TXNDC15: variants seen among roughly 807,000 people sequenced by gnomAD.
TXNDC15 encodes thioredoxin domain containing 15, also known as thioredoxin domain-containing protein 15.
Under a neutral mutation model 35.0 loss-of-function variants are expected in TXNDC15, and 24 were observed. The ratio of observed to expected loss-of-function variants is 0.68; its 90% confidence interval spans 0.50 to 0.96. The LOEUF is 0.96. Among genes scored for constraint, TXNDC15 ranks in the 40% least tolerant of loss-of-function variants. The pLI is 0.00. For synonymous variants in TXNDC15, 169 were observed against 174.0 expected (o/e 0.97, Z 0.23); for missense variants, 385 against 453.3 (o/e 0.85, Z 1.37).
At chr5:134,890,469 G>A (rs1222878972) in intron 2 of TXNDC15, among the ~76,000 whole-genome samples, 6 of 150,584 alleles carry the variant, frequency 4.0e-5, no homozygotes, top group Non-Finnish European at 5.9e-5. Context: ...GTGCAGTGGC[G>A]TGATCTCAGC....
chr5:134,874,444 G>A lies in TXNDC15; in HGVS notation c.17G>A (p.Gly6Asp). 1.2e-6 allele frequency: 2 copies of A among 1,602,112 alleles called. No individual in the cohort carries two copies. Among genetic ancestry groups the A allele is most frequent in the East Asian group, 2.3e-5 (1 of 43,630 alleles). Reference sequence around the variant, plus strand: ...GCCTGGGCAATGGTCCCGGCTGCCGGTCGACGACCGCCCCGCGTCATGCGG... The same window carrying A: ...GCCTGGGCAATGGTCCCGGCTGCCGATCGACGACCGCCCCGCGTCATGCGG... MVPAAGRRPPRVMRLL... is the reference protein window; with the variant it reads MVPAADRRPPRVMRLL... The change falls in exon 1 of 5, where the codon GGT becomes GAT. Residue 6 changes from glycine to aspartate, a missense_variant. Gly to Asp is a moderately conservative substitution (Grantham distance 94). Transcript: ENST00000358387.
chr5:134,887,895 G>A lies in TXNDC15; in HGVS notation c.304G>A (p.Glu102Lys). ...GCTGTCTGTGATTCCTGGGGAAGCTGAGGACAAAGTGAGTTCAGAGCCTAG... is the reference window on the plus strand; with the variant it reads ...GCTGTCTGTGATTCCTGGGGAAGCTAAGGACAAAGTGAGTTCAGAGCCTAG... ...VMLSVIPGEA[E>K]DKVSSEPSGV... is the part of the protein sequence containing the mutation. The change falls in exon 2 of 5, where the codon GAG becomes AAG. Residue 102 changes from glutamate (E) to lysine (K), a missense_variant. Transcript: ENST00000358387. The A allele has an allele frequency of 6.2e-7, 1 of 1,614,206 alleles. No individual in the cohort carries two copies. Among genetic ancestry groups the A allele is most frequent in the East Asian group, 2.2e-5 (1 of 44,884 alleles).
At chr5:134,898,906 C>G (rs1447610273) in intron 4 of TXNDC15, among the ~76,000 whole-genome samples, 2 of 152,090 alleles carry the variant, frequency 1.3e-5, no homozygotes, top group Non-Finnish European at 2.9e-5. Context: ...GAAACCTCGT[C>G]TCTACTAAAA....
At chr5:134,882,236 C>T (rs1460909310) in intron 1 of TXNDC15, among the ~76,000 whole-genome samples, 1 of 151,252 alleles carries the variant, frequency 6.6e-6, no homozygotes, top group Non-Finnish European at 1.5e-5. Context: ...CCCCACATCT[C>T]AGACGATGGG....
chr5:134,881,394 C>T (rs1376165314), intron 1 of TXNDC15, among the ~76,000 whole-genome samples: 4 of 97,416 alleles, frequency 4.1e-5, no homozygotes, highest in Admixed American at 1.2e-4. Flanking sequence ...TGACTCTTAA[C>T]GAGCATGCTG....
At position 134,881,171 on chromosome 5, in the gene TXNDC15, T is replaced by TTTTATTTATTTATTTATTTATTTA. The variant is rs55798762; in HGVS notation, c.104-6516_104-6493dup. On this transcript the variant is annotated intron_variant, in intron 1 of 4. Coordinates refer to ENST00000358387, the MANE Select transcript of TXNDC15 (RefSeq NM_024715.4). ...GTGTGTTTCATTTTGGATAGGTTCT[T>TTTTATTTATTTATTTATTTATTTA]TTTATTTATTTATTTATTTATTTAT... Among the ~76,000 whole-genome samples, 23 of 124,308 alleles carry TTTTATTTATTTATTTATTTATTTA rather than the reference T, an allele frequency of 1.9e-4. 1 individual carries two copies. The highest frequency in any genetic ancestry group is 2.5e-4 in the Admixed American group (3 of 11,812). The allele number at this position is 124,308 out of a possible 152,430, so 81.6% of individuals were successfully genotyped here. A position where few individuals can be genotyped will look rare whatever the true frequency, so the allele number is the denominator to read the frequency against.
At chr5:134,899,121 G>A (rs1246298839) in intron 4 of TXNDC15, among the ~76,000 whole-genome samples, 1 of 151,674 alleles carries the variant, frequency 6.6e-6, no homozygotes, top group Non-Finnish European at 1.5e-5. Context: ...CTTAACCTGT[G>A]AAAACATTCT....
chr5:134,888,570 G>A (rs1398646426), intron 2 of TXNDC15, among the ~76,000 whole-genome samples: 1 of 152,012 alleles, frequency 6.6e-6, no homozygotes, highest in African/African-American at 2.4e-5. Flanking sequence ...TGCAACCTCC[G>A]CCTCCTGAGT....
upstream of TXNDC15, chr5:134,874,206 A>C: frequency 5.8e-6 from 3 of 521,502 alleles, no homozygotes; most frequent in Non-Finnish European, 1.0e-5. Flanking sequence ...AACGACCTGC[A>C]ACGTCTGGCG....
In TXNDC15 at chr5:134,890,454, C is replaced by T. The variant is rs6881680; in HGVS notation, c.591+2272C>T. The stretch of plus-strand genomic sequence containing the variant: ...ATGGAGTCTCACTCTGTCACCCAGG[C>T]GGGAGTGCAGTGGCGTGATCTCAGC... On this transcript the variant is annotated intron_variant, in intron 2 of 4. Coordinates refer to ENST00000358387, the MANE Select transcript of TXNDC15 (RefSeq NM_024715.4). Among the ~76,000 whole-genome samples the T allele has an allele frequency of 9.3e-3, 1,412 of 151,352 alleles. 9 individuals carry two copies. Among genetic ancestry groups the T allele is most frequent in the Middle Eastern group, 0.037 (11 of 294 alleles).
chr5:134,893,215 A>C, intron 2 of TXNDC15: 1 of 308,442 alleles, frequency 3.2e-6, no homozygotes, highest in South Asian at 8.9e-5. Context: ...AATAACTTGT[A>C]ATATTAGGAA....
chr5:134,898,170 A>T (rs1181751215), intron 4 of TXNDC15, among the ~76,000 whole-genome samples: 1 of 152,132 alleles, frequency 6.6e-6, no homozygotes, highest in Non-Finnish European at 1.5e-5. Context: ...GACATGCAGG[A>T]TGTTTTATTT....
rs773686421 is a variant in TXNDC15, at chr5:134,896,280, TC to T, written c.756-13del. ...AATAATAAATTCAGGTTTTTTGACT[TC>T]TTTCTCTTGTAGCCTTTCTACCAGG... On this transcript the variant is annotated splice_polypyrimidine_tract_variant and intron_variant, in intron 3 of 4. Transcript: ENST00000358387. 6.2e-7 allele frequency: 1 copy of T among 1,604,414 alleles called. No individual in the cohort carries two copies. The highest frequency in any genetic ancestry group is 8.5e-7 in the Non-Finnish European group (1 of 1,177,750).
At chr5:134,886,948 A>G (rs1750287620) in intron 1 of TXNDC15, among the ~76,000 whole-genome samples, 1 of 152,234 alleles carries the variant, frequency 6.6e-6, no homozygotes, top group African/African-American at 2.4e-5. Flanking sequence ...CAGGACTGTT[A>G]TAATGTGTGC....
rs188021065 is a variant in TXNDC15, at chr5:134,889,779, G to T, written c.591+1597G>T. Among the ~76,000 whole-genome samples, 3 of 152,364 alleles carry T rather than the reference G, an allele frequency of 2.0e-5. No individual in the cohort carries two copies. In the East Asian group the frequency reaches 5.8e-4, roughly 29 times the overall value. Reference sequence around the variant, plus strand: ...CCACTGTGATAAAGCAAATATCGCAGTGTAGCAAATCACGTGAATATTTTG... The same window carrying T: ...CCACTGTGATAAAGCAAATATCGCATTGTAGCAAATCACGTGAATATTTTG... On this transcript the variant is annotated intron_variant, in intron 2 of 4. Coordinates refer to ENST00000358387, the MANE Select transcript of TXNDC15 (RefSeq NM_024715.4).
At chr5:134,875,279 T>A in intron 1 of TXNDC15, 1 of 456,292 alleles carries the variant, frequency 2.2e-6, no homozygotes, top group East Asian at 6.9e-5. Flanking sequence ...CATAGTCCTG[T>A]TAAAGTCCAG....
chr5:134,893,991 C>CT (rs1350874177), intron 3 of TXNDC15, among the ~76,000 whole-genome samples: 2 of 152,142 alleles, frequency 1.3e-5, no homozygotes, highest in African/African-American at 4.8e-5. Flanking sequence ...TAGGATATTC[C>CT]TTTGTGACTT....
upstream of TXNDC15, chr5:134,874,124 TC>T (rs1749973027): frequency 3.4e-6 from 1 of 296,566 alleles, no homozygotes; most frequent in Non-Finnish European, 6.2e-6. Flanking sequence ...AGCTCTGACT[TC>T]CGAGGGAAGA....
In TXNDC15 at chr5:134,888,098, T is replaced by C; in HGVS notation, c.507T>C (p.Ser169=). Reference sequence around the variant, plus strand: ...CAGAGGACTCCAATAACACTGAAAGTCTGAAATCCCCAAAGGTGAACTGTG... The same window carrying C: ...CAGAGGACTCCAATAACACTGAAAGCCTGAAATCCCCAAAGGTGAACTGTG... ...APTEDSNNTE[S]LKSPKVNCEE... Residue 169 remains serine, a synonymous_variant, in exon 2 of 5, where the codon AGT becomes AGC. Transcript: ENST00000358387. 6.2e-7 allele frequency: 1 copy of C among 1,614,138 alleles called. No individual in the cohort carries two copies. Among genetic ancestry groups the C allele is most frequent in the Non-Finnish European group, 8.5e-7 (1 of 1,180,030 alleles).
Sources: gnomAD v4.1 joint callset for allele counts (sites outside exome capture counted in the v4.1 genomes callset) on GRCh38, gnomAD v4.1.1 for gene constraint, MANE v1.5 for transcripts, NCBI Gene and HGNC (gene_info 2026-07-23, HGNC 2026-07-21) for gene names.